The following NCKAP5 variants were observed in gnomAD, a reference collection of about 807,000 sequenced individuals.
NCKAP5 encodes NCK associated protein 5, also known as nck-associated protein 5.
NCKAP5 carries 92 observed loss-of-function variants against 167.0 expected under a neutral mutation model. The observed-to-expected ratio is 0.55, with a 90% CI of 0.47 to 0.66. The LOEUF is 0.66. NCKAP5 is among the 30% of genes least tolerant of loss of function. The pLI, the probability that NCKAP5 is intolerant of heterozygous loss-of-function variation, is 0.00. For missense variants in NCKAP5, 2,378 were observed against 2,315.0 expected, an observed-to-expected ratio of 1.03 and a Z score of -0.56; for synonymous variants, 891 against 877.4, an observed-to-expected ratio of 1.02 and a Z score of -0.27.
At chr2:132,758,123 T>A (rs546537299) in intron 16 of NCKAP5, among the ~76,000 whole-genome samples, 1 of 152,248 alleles carries the variant, frequency 6.6e-6, no homozygotes, top group Non-Finnish European at 1.5e-5. Flanking sequence ...GTTAGCCTCC[T>A]GTCTCCTCAT....
the NCKAP5 span, among the ~76,000 whole-genome samples, chr2:133,625,873 A>C: frequency 1.3e-5 from 2 of 150,068 alleles, no homozygotes; most frequent in Non-Finnish European, 3.0e-5. Flanking sequence ...CTTGTCTCAA[A>C]AAAAAAAAAA....
intron 3 of NCKAP5, among the ~76,000 whole-genome samples, chr2:133,406,771 C>G (rs1688464422): frequency 6.6e-6 from 1 of 152,198 alleles, no homozygotes; most frequent in Admixed American, 6.5e-5. Context: ...CAGACACTGT[C>G]TATACTGTCC....
rs186125493 is a variant in NCKAP5 at position 133,515,088 on chromosome 2, G to A, written c.69+2370C>T. 7.8e-3 allele frequency among the ~76,000 whole-genome samples: 1,193 copies of A among 152,218 alleles called. 6 individuals carry two copies. Among genetic ancestry groups the A allele is most frequent in the African/African-American group, 0.028 (1,143 of 41,526 alleles). On this transcript the variant is annotated intron_variant, in intron 3 of 19. Coordinates refer to ENST00000409261, the MANE Select transcript of NCKAP5 (RefSeq NM_207363.3). The stretch of plus-strand genomic sequence containing the variant: ...TGTGTGGCTTCAGCATAAAGCTGAA[G>A]AAGAGGGCAACATCTTGAGTTCAGA...
intron 6 of NCKAP5, among the ~76,000 whole-genome samples, chr2:133,011,771 C>T (rs2078168386): frequency 1.3e-5 from 2 of 152,200 alleles, no homozygotes; most frequent in Admixed American, 1.3e-4. Context: ...TCCTGATTTT[C>T]AGTTTGGACA....
At chr2:133,058,631 C>A (rs956045400) in intron 6 of NCKAP5, among the ~76,000 whole-genome samples, 1 of 152,068 alleles carries the variant, frequency 6.6e-6, no homozygotes, top group Non-Finnish European at 1.5e-5. Context: ...TAAGTTACTT[C>A]TTATGGATGA....
intron 7 of NCKAP5, among the ~76,000 whole-genome samples, chr2:132,981,955 G>A (rs975730975): frequency 4.1e-4 from 62 of 152,266 alleles, no homozygotes; most frequent in African/African-American, 1.2e-3. Context: ...CTCCTGCCTA[G>A]GAATCTGACC....
chr2:132,855,242 A>G (rs1689374561), intron 11 of NCKAP5, among the ~76,000 whole-genome samples: 2 of 152,154 alleles, frequency 1.3e-5, no homozygotes, highest in Admixed American at 6.5e-5. Context: ...AGTGCATGAC[A>G]CAGAATACCT....
At chr2:133,600,703 T>C in the NCKAP5 span, among the ~76,000 whole-genome samples, 8 of 152,256 alleles carry the variant, frequency 5.3e-5, no homozygotes, top group African/African-American at 1.7e-4. Flanking sequence ...TCTTTGCCAA[T>C]GAATCCTTCC....
rs1169645427 is a variant in NCKAP5, at chr2:132,784,272, A to G, written c.2539T>C (p.Phe847Leu). 2 of 1,612,260 alleles carry G rather than the reference A, an allele frequency of 1.2e-6. No homozygotes were observed. Among genetic ancestry groups the G allele is most frequent in the African/African-American group, 2.7e-5 (2 of 74,856 alleles). The part of the protein sequence containing the change: ...PALAPGKLSR[F>L]MKTESSGPLF... Reference sequence around the variant, plus strand: ...GGCCCTGAGCTCTCAGTCTTCATGAATCGTGAGAGTTTCCCAGGAGCTAAG... The same window carrying G: ...GGCCCTGAGCTCTCAGTCTTCATGAGTCGTGAGAGTTTCCCAGGAGCTAAG... Residue 847 changes from phenylalanine (F) to leucine (L), a missense_variant, in exon 14 of 20, where the codon TTC becomes CTC. Physicochemically the swap from Phe to Leu is conservative, Grantham distance 22. This residue lies in a region of NCKAP5 where 1,049 missense variants were observed against 1,023.4 expected (regional missense o/e 1.02). Transcript: ENST00000409261.
At chr2:133,268,113 T>C (rs2089329669) in intron 4 of NCKAP5, among the ~76,000 whole-genome samples, 1 of 152,256 alleles carries the variant, frequency 6.6e-6, no homozygotes, top group East Asian at 1.9e-4. Context: ...CAGATAGGTA[T>C]AAGAGCTAAG....
intron 5 of NCKAP5, among the ~76,000 whole-genome samples, chr2:133,131,337 A>T (rs78278350): frequency 0.017 from 2,531 of 152,246 alleles, 74 homozygotes; most frequent in African/African-American, 0.057. Context: ...CATGTCCTCT[A>T]CAACTTATCC....
rs749135115 is a variant in NCKAP5, at chr2:133,202,733, A to T, written c.207+10983T>A. On this transcript the variant is annotated intron_variant, in intron 5 of 19. Transcript: ENST00000409261. ...CCCCATCAAAAAGTGAGCAAAGGAG[A>T]TCAACAAACACTTCTCAAAAGAAGA... 4.6e-5 allele frequency among the ~76,000 whole-genome samples: 7 copies of T among 152,210 alleles called. No individual in the cohort carries two copies. In the East Asian group the frequency reaches 9.6e-4, roughly 21 times the overall value.
chr2:133,185,874 C>T (rs2084925864), intron 5 of NCKAP5, among the ~76,000 whole-genome samples: 2 of 151,974 alleles, frequency 1.3e-5, no homozygotes, highest in South Asian at 4.1e-4. Flanking sequence ...ATCTTTAGGG[C>T]TTTCTAGGTA....
At chr2:133,412,454 A>G (rs894288330) in intron 3 of NCKAP5, among the ~76,000 whole-genome samples, 4 of 152,198 alleles carry the variant, frequency 2.6e-5, no homozygotes, top group African/African-American at 9.6e-5. Context: ...GCTCTGCCCC[A>G]CATTTTCTTT....
At chr2:133,297,861 G>T (rs1680077725) in intron 4 of NCKAP5, among the ~76,000 whole-genome samples, 1 of 152,296 alleles carries the variant, frequency 6.6e-6, no homozygotes, top group East Asian at 1.9e-4. Context: ...CCATGACAAT[G>T]GTAGCAGCCA....
the NCKAP5 span, among the ~76,000 whole-genome samples, chr2:133,674,615 C>T: frequency 6.6e-6 from 1 of 152,030 alleles, no homozygotes; most frequent in African/African-American, 2.4e-5. Context: ...GTGCTTTCCT[C>T]TATACCAACA....
intron 6 of NCKAP5, among the ~76,000 whole-genome samples, chr2:133,101,598 C>A (rs7585734): frequency 6.6e-6 from 1 of 151,774 alleles, no homozygotes; most frequent in African/African-American, 2.4e-5. Flanking sequence ...GTTTGTAGTT[C>A]TCCTTGAAGA....
intron 16 of NCKAP5, among the ~76,000 whole-genome samples, chr2:132,773,391 A>C (rs906126900): frequency 1.3e-5 from 2 of 152,206 alleles, no homozygotes; most frequent in Admixed American, 6.5e-5. Flanking sequence ...ATGATGTAAA[A>C]AGAGAGTTGA....
chr2:133,022,852 G>A (rs1396907534), intron 6 of NCKAP5, among the ~76,000 whole-genome samples: 1 of 152,098 alleles, frequency 6.6e-6, no homozygotes, highest in East Asian at 1.9e-4. Flanking sequence ...AAGGATGAAG[G>A]GAAGCCATCT....
Sources: allele counts gnomAD v4.1 joint callset (sites outside exome capture counted in the v4.1 genomes callset), GRCh38; gene constraint gnomAD v4.1.1; regional missense constraint gnomAD v4.1.1; transcripts MANE v1.5; gene names NCBI Gene and HGNC (gene_info 2026-07-23, HGNC 2026-07-21).